The following PLCB4 variants were observed in gnomAD, a reference collection of about 807,000 sequenced individuals.
PLCB4 encodes 1-phosphatidylinositol 4,5-bisphosphate phosphodiesterase beta-4.
In PLCB4, 77 loss-of-function variants were observed where a neutral mutation model predicts 178.8. The observed-to-expected ratio is 0.43, with a 90% CI of 0.36 to 0.52. The LOEUF is 0.52. Ranked by LOEUF, PLCB4 falls within the 20% of genes least tolerant of loss-of-function variation. The pLI is 0.00. For missense variants in PLCB4, 1,024 were observed against 1,453.4 expected (o/e 0.70, Z 4.80); for synonymous variants, 496 against 490.8 (o/e 1.01, Z -0.14).
intron 2 of PLCB4, among the ~76,000 whole-genome samples, chr20:9,122,529 G>C (rs1329583715): frequency 6.6e-6 from 1 of 152,108 alleles, no homozygotes; most frequent in Non-Finnish European, 1.5e-5. Context: ...TCTTCACAAT[G>C]TGGATACTTG....
chr20:9,277,811 C>T (rs763393551), intron 3 of PLCB4, among the ~76,000 whole-genome samples: 4 of 151,938 alleles, frequency 2.6e-5, no homozygotes, highest in Non-Finnish European at 4.4e-5. Flanking sequence ...AAGCCCACAG[C>T]TCAAGGGGCA....
chr20:9,259,639 C>T (rs753682104), intron 3 of PLCB4, among the ~76,000 whole-genome samples: 1 of 151,976 alleles, frequency 6.6e-6, no homozygotes, highest in Non-Finnish European at 1.5e-5. Flanking sequence ...GATAATTTCT[C>T]AGTAAACAAA....
At chr20:9,328,400 C>T (rs933327290) in intron 4 of PLCB4, among the ~76,000 whole-genome samples, 2 of 152,184 alleles carry the variant, frequency 1.3e-5, no homozygotes, top group Non-Finnish European at 2.9e-5. Context: ...CCATAAAAAA[C>T]TGTAATAAGT....
intron 2 of PLCB4, among the ~76,000 whole-genome samples, chr20:9,156,787 T>C (rs2092795020): frequency 6.6e-6 from 1 of 150,528 alleles, no homozygotes; most frequent in Admixed American, 6.7e-5. Flanking sequence ...ATTTTATTGT[T>C]AACCATTTTC....
chr20:9,122,583 A>C (rs1433832295), intron 2 of PLCB4, among the ~76,000 whole-genome samples: 2 of 152,214 alleles, frequency 1.3e-5, no homozygotes, highest in Non-Finnish European at 2.9e-5. Context: ...AATATAGATT[A>C]ACTAGCCATG....
intron 4 of PLCB4, among the ~76,000 whole-genome samples, chr20:9,322,949 G>A (rs914887957): frequency 1.3e-5 from 2 of 152,178 alleles, no homozygotes; most frequent in African/African-American, 4.8e-5. Flanking sequence ...TTGAAAAATG[G>A]GAGTGATAAT....
In PLCB4 at chr20:9,338,751, C is replaced by T. The variant is rs140271663; in HGVS notation, c.226-143C>T. The T allele has an allele frequency of 2.9e-4, 178 of 621,834 alleles. No individual in the cohort carries two copies. The East Asian group carries it at 3.4e-3, about 12-fold the overall frequency. 38.5% of individuals were successfully genotyped at this position (621,834 alleles called of 1,614,324 possible). ...GGAATATATAGTGTTACAAATTTCA[C>T]CTCTACAGGTTTTAGAATAATGCTA... On this transcript the variant is annotated intron_variant, in intron 6 of 39. Coordinates refer to ENST00000378473, the MANE Select transcript of PLCB4 (RefSeq NM_001377142.1).
chr20:9,076,145 T>G (rs570620020), intron 1 of PLCB4, among the ~76,000 whole-genome samples: 1 of 152,216 alleles, frequency 6.6e-6, no homozygotes, highest in African/African-American at 2.4e-5. Flanking sequence ...GCATGTTTTT[T>G]CCTCCTGTTT....
intron 4 of PLCB4, among the ~76,000 whole-genome samples, chr20:9,323,583 G>T (rs1235547359): frequency 1.3e-5 from 2 of 152,186 alleles, no homozygotes; most frequent in African/African-American, 4.8e-5. Flanking sequence ...AAGCCCCAAA[G>T]AACTGGAACT....
intron 3 of PLCB4, among the ~76,000 whole-genome samples, chr20:9,245,251 G>GTCAGTCC (rs1005155451): frequency 6.6e-6 from 1 of 152,128 alleles, no homozygotes; most frequent in Non-Finnish European, 1.5e-5. Flanking sequence ...AAGTCCCAAG[G>GTCAGTCC]TCAGTCCAGA....
intron 2 of PLCB4, among the ~76,000 whole-genome samples, chr20:9,172,462 T>C (rs2093080280): frequency 6.6e-6 from 1 of 152,218 alleles, no homozygotes; most frequent in South Asian, 2.1e-4. Flanking sequence ...TGAGTGCATA[T>C]TGCATTGGCT....
At chr20:9,344,435 C>G (rs1257990445) in intron 7 of PLCB4, among the ~76,000 whole-genome samples, 2 of 152,232 alleles carry the variant, frequency 1.3e-5, no homozygotes, top group Non-Finnish European at 2.9e-5. Flanking sequence ...CAGGACGGCA[C>G]TGTTCTGTTC....
chr20:9,147,390 T>C (rs1323611974), intron 2 of PLCB4, among the ~76,000 whole-genome samples: 1 of 152,156 alleles, frequency 6.6e-6, no homozygotes, highest in Non-Finnish European at 1.5e-5. Flanking sequence ...ACAATAATGC[T>C]GCATAATAAG....
chr20:9,464,003 T>A (rs2122525351), intron 35 of PLCB4, among the ~76,000 whole-genome samples: 1 of 152,274 alleles, frequency 6.6e-6, no homozygotes, highest in African/African-American at 2.4e-5. Flanking sequence ...ATCACACTTA[T>A]TCTAAAATTG....
chr20:9,406,657 G>C (rs2148492241), intron 21 of PLCB4, among the ~76,000 whole-genome samples: 1 of 152,066 alleles, frequency 6.6e-6, no homozygotes, highest in East Asian at 1.9e-4. Context: ...ACCATGCCCA[G>C]TTAATTTTTT....
intron 28 of PLCB4, among the ~76,000 whole-genome samples, chr20:9,426,083 T>G (rs1306337684): frequency 6.6e-6 from 1 of 151,838 alleles, no homozygotes; most frequent in Non-Finnish European, 1.5e-5. Context: ...AAGATGAAGC[T>G]CAGCACCATC....
chr20:9,422,286 ACTGG>A (rs879871370), intron 27 of PLCB4, among the ~76,000 whole-genome samples: 1 of 152,206 alleles, frequency 6.6e-6, no homozygotes, highest in African/African-American at 2.4e-5. Context: ...GAATAGAGTA[ACTGG>A]CTTACAGAAA....
chr20:9,095,615 A>T (rs1457430483), intron 1 of PLCB4, among the ~76,000 whole-genome samples: 1 of 152,184 alleles, frequency 6.6e-6, no homozygotes, highest in Non-Finnish European at 1.5e-5. Context: ...TTGAAAAGTC[A>T]TATTTAGTAT....
chr20:9,200,223 G>A (rs2093525543), intron 2 of PLCB4, among the ~76,000 whole-genome samples: 1 of 152,062 alleles, frequency 6.6e-6, no homozygotes, highest in Non-Finnish European at 1.5e-5. Flanking sequence ...TTCAGACTAA[G>A]TGATTGTAGT....
Sources: gnomAD v4.1 joint callset for allele counts (sites outside exome capture counted in the v4.1 genomes callset) on GRCh38, gnomAD v4.1.1 for gene constraint, MANE v1.5 for transcripts, NCBI Gene and HGNC (gene_info 2026-07-23, HGNC 2026-07-21) for gene names.